The following BST1 variants were observed in gnomAD, a reference collection of about 807,000 sequenced individuals.
The protein encoded by BST1 is bone marrow stromal cell antigen 1.
BST1 carries 49 observed loss-of-function variants against 40.6 expected under a neutral mutation model. The observed-to-expected ratio is 1.21, with a 90% CI of 0.96 to 1.53. The LOEUF is 1.53. Ranked by LOEUF, BST1 falls within the 40% of genes most tolerant of loss-of-function variation. BST1 has a pLI of 0.00. For synonymous variants in BST1, 157 were observed against 159.3 expected, an observed-to-expected ratio of 0.99 and a Z score of 0.11; for missense variants, 423 against 395.9, an observed-to-expected ratio of 1.07 and a Z score of -0.58.
chr4:15,717,194 G>A (rs1286130353), intron 6 of BST1, among the ~76,000 whole-genome samples: 4 of 152,158 alleles, frequency 2.6e-5, no homozygotes, highest in Non-Finnish European at 5.9e-5. Flanking sequence ...CCCGAGTAAG[G>A]CATTTTCCCG....
chr4:15,704,867 T>A (rs1408039244), intron 1 of BST1: 2 of 706,758 alleles, frequency 2.8e-6, no homozygotes, highest in East Asian at 5.1e-5. Context: ...CCCCTTTTCT[T>A]ATGTTTGTGA....
the BST1 span, among the ~76,000 whole-genome samples, chr4:15,765,273 A>G: frequency 6.6e-6 from 1 of 151,958 alleles, no homozygotes; most frequent in African/African-American, 2.4e-5. Flanking sequence ...GTTGTCTCTG[A>G]CTACTCTCAT....
At chr4:15,753,000 A>C in the BST1 span, among the ~76,000 whole-genome samples, 1 of 150,094 alleles carries the variant, frequency 6.7e-6, no homozygotes, top group South Asian at 2.1e-4. Flanking sequence ...TTTAAATATA[A>C]ATCACTAAGA....
the BST1 span, among the ~76,000 whole-genome samples, chr4:15,758,655 T>C: frequency 1.3e-5 from 2 of 152,220 alleles, 1 homozygote; most frequent in South Asian, 4.1e-4. Context: ...GAAACTTCCA[T>C]ATTCCTTCTG....
the BST1 span, among the ~76,000 whole-genome samples, chr4:15,745,787 A>C: frequency 2.0e-5 from 3 of 152,200 alleles, no homozygotes; most frequent in African/African-American, 7.2e-5. Context: ...CTGGCTCACT[A>C]TAATCTCAGT....
chr4:15,746,223 G>T, the BST1 span, among the ~76,000 whole-genome samples: 4 of 152,166 alleles, frequency 2.6e-5, no homozygotes, highest in Admixed American at 1.3e-4. Context: ...TTAGTGTTTG[G>T]TTTTTTCCAG....
chr4:15,711,564 G>T (rs1720205825), intron 3 of BST1, among the ~76,000 whole-genome samples: 1 of 152,194 alleles, frequency 6.6e-6, no homozygotes, highest in African/African-American at 2.4e-5. Flanking sequence ...CAGCTATTTA[G>T]TTCTCTGCCT....
chr4:15,703,478 G>T, intron 1 of BST1, 146 bp downstream of exon 1: 2 of 1,375,808 alleles, frequency 1.5e-6, no homozygotes, highest in Non-Finnish European at 1.9e-6. Context: ...GACAGCGATG[G>T]TCCTGAACGA....
chr4:15,710,152 T>A (rs892296777), intron 3 of BST1, among the ~76,000 whole-genome samples: 13 of 152,100 alleles, frequency 8.5e-5, no homozygotes, highest in Admixed American at 2.0e-4. Context: ...TAAAATTATT[T>A]TTGTAGACAC....
At position 15,707,572 on chromosome 4, in the gene BST1, T is replaced by A. The variant is rs567285340; in HGVS notation, c.377T>A (p.Phe126Tyr). 2.3e-5 allele frequency: 37 copies of A among 1,614,112 alleles called. 1 individual carries two copies. In the South Asian group the frequency reaches 3.8e-4, roughly 17 times the overall value. Residue 126 changes from phenylalanine (F) to tyrosine (Y), a missense_variant, in exon 3 of 9, where the codon TTT (phenylalanine) becomes TAT (tyrosine). By Grantham distance (22) the Phe-to-Tyr change is conservative. Transcript: ENST00000265016. ...AGCTTTGCAGACAACACCCGTCGTT[T>A]TATGCCCCTGAGCGATGTTCTGTAT... ...VNSFADNTRR[F>Y]MPLSDVLYGR... is the part of the protein sequence containing the mutation.
At chr4:15,743,331 CT>C in the BST1 span, 1 of 350,742 alleles carries the variant, frequency 2.9e-6, no homozygotes, top group South Asian at 2.8e-5. Flanking sequence ...GCATGCACAT[CT>C]TACAGATGCA....
chr4:15,713,447 G>A (rs1433475545), intron 4 of BST1, among the ~76,000 whole-genome samples: 1 of 152,010 alleles, frequency 6.6e-6, no homozygotes, highest in African/African-American at 2.4e-5. Context: ...GCCTCCCAAA[G>A]TGCTAGGATT....
the BST1 span, among the ~76,000 whole-genome samples, chr4:15,750,615 G>A: frequency 1.3e-5 from 2 of 152,208 alleles, no homozygotes; most frequent in Non-Finnish European, 2.9e-5. Context: ...TATTTGAGAT[G>A]TGGCTAGTGC....
At chr4:15,708,995 G>T (rs1167135690) in intron 3 of BST1, among the ~76,000 whole-genome samples, 1 of 152,178 alleles carries the variant, frequency 6.6e-6, no homozygotes, top group African/African-American at 2.4e-5. Flanking sequence ...CTTCTAGACA[G>T]TAGGAAAACA....
At chr4:15,765,648 C>A in the BST1 span, among the ~76,000 whole-genome samples, 1 of 152,048 alleles carries the variant, frequency 6.6e-6, no homozygotes, top group Non-Finnish European at 1.5e-5. Flanking sequence ...CTGAACACAC[C>A]AGGCTTGCTT....
chr4:15,762,567 T>G, the BST1 span, among the ~76,000 whole-genome samples: 1 of 152,054 alleles, frequency 6.6e-6, no homozygotes, highest in Non-Finnish European at 1.5e-5. Flanking sequence ...ACTGAAAGTT[T>G]GTACTTTTTG....
At chr4:15,725,255 G>C (rs1202235544) in intron 8 of BST1, among the ~76,000 whole-genome samples, 2 of 152,184 alleles carry the variant, frequency 1.3e-5, no homozygotes, top group Non-Finnish European at 2.9e-5. Context: ...ATCTGAAGGA[G>C]TCTGAGAACT....
chr4:15,761,110 C>T, the BST1 span, among the ~76,000 whole-genome samples: 4 of 151,802 alleles, frequency 2.6e-5, no homozygotes, highest in African/African-American at 9.7e-5. Flanking sequence ...TGTGGCACAA[C>T]CTCAGCTCAC....
the BST1 span, among the ~76,000 whole-genome samples, chr4:15,766,723 T>G: frequency 6.7e-6 from 1 of 149,532 alleles, no homozygotes; most frequent in African/African-American, 2.5e-5. Context: ...TATCTATTCT[T>G]CTTTTCGTGA....
Sources: allele counts gnomAD v4.1 joint callset (sites outside exome capture counted in the v4.1 genomes callset), GRCh38; gene constraint gnomAD v4.1.1; transcripts MANE v1.5; gene names NCBI Gene and HGNC (gene_info 2026-07-23, HGNC 2026-07-21).